The following ASIC2 variants were observed in gnomAD, a reference collection of about 807,000 sequenced individuals.
ASIC2 encodes the protein acid sensing ion channel subunit 2.
ASIC2 carries 25 observed loss-of-function variants against 57.3 expected under a neutral mutation model. That is an observed-to-expected ratio of 0.44 (90% CI 0.32 to 0.61). ASIC2 has a LOEUF of 0.61. Ranked by LOEUF, ASIC2 falls within the 20% of genes least tolerant of loss-of-function variation. The pLI, the probability that ASIC2 is intolerant of heterozygous loss-of-function variation, is 0.06. For missense variants in ASIC2, 641 were observed against 738.1 expected, an observed-to-expected ratio of 0.87 and a Z score of 1.52; for synonymous variants, 319 against 307.5, an observed-to-expected ratio of 1.04 and a Z score of -0.39.
intron 1 of ASIC2, among the ~76,000 whole-genome samples, chr17:33,812,086 T>G (rs1912438870): frequency 6.6e-6 from 1 of 152,154 alleles, no homozygotes; most frequent in Non-Finnish European, 1.5e-5. Context: ...TAAAGTTTAG[T>G]TTCTTATCCA....
At chr17:33,532,660 C>T (rs765249478) in intron 1 of ASIC2, among the ~76,000 whole-genome samples, 4 of 152,216 alleles carry the variant, frequency 2.6e-5, no homozygotes, top group African/African-American at 7.2e-5. Context: ...ATCTCTTCCA[C>T]GTCACTGACA....
intron 1 of ASIC2, among the ~76,000 whole-genome samples, chr17:33,377,927 T>G (rs1909339402): frequency 6.6e-6 from 1 of 152,078 alleles, no homozygotes; most frequent in Non-Finnish European, 1.5e-5. Flanking sequence ...TAGGACAGAG[T>G]GGGGCTCCAT....
chr17:33,133,476 T>C (rs1178270413), intron 1 of ASIC2, among the ~76,000 whole-genome samples: 3 of 152,194 alleles, frequency 2.0e-5, no homozygotes, highest in African/African-American at 4.8e-5. Flanking sequence ...TATGCAGTTA[T>C]GTATGTAATC....
chr17:33,194,212 A>G (rs1470991399), intron 1 of ASIC2, among the ~76,000 whole-genome samples: 1 of 152,142 alleles, frequency 6.6e-6, no homozygotes, highest in African/African-American at 2.4e-5. Flanking sequence ...TATTGCTTTC[A>G]CTTTTCTGCA....
Position 33,403,117 on chromosome 17 carries a change from C to T in ASIC2, c.556-291050G>A, listed in dbSNP as rs1373347161. 3.3e-5 allele frequency among the ~76,000 whole-genome samples: 5 copies of T among 152,186 alleles called. No individual in the cohort carries two copies. In the East Asian group the frequency reaches 9.6e-4, roughly 29 times the overall value. ...CATAAACATATGCTCAGCCTGGGTC[C>T]TGGCTGCACACCTCCATTGCTAGTG... On this transcript the variant is annotated intron_variant, in intron 1 of 9. Transcript: ENST00000359872.
intron 1 of ASIC2, among the ~76,000 whole-genome samples, chr17:34,026,230 A>G (rs1041117829): frequency 6.6e-6 from 1 of 152,166 alleles, no homozygotes; most frequent in African/African-American, 2.4e-5. Context: ...AATCTATGTC[A>G]AGGTGTGTAT....
intron 1 of ASIC2, among the ~76,000 whole-genome samples, chr17:33,856,248 A>ATT (rs1163352265): frequency 6.6e-6 from 1 of 152,218 alleles, no homozygotes; most frequent in Non-Finnish European, 1.5e-5. Flanking sequence ...AATAGGAAAA[A>ATT]GCATCAATAT....
intron 1 of ASIC2, among the ~76,000 whole-genome samples, chr17:34,082,492 C>T (rs1483641403): frequency 6.6e-6 from 1 of 152,212 alleles, no homozygotes; most frequent in African/African-American, 2.4e-5. Flanking sequence ...ATAAACTCCA[C>T]TTCCTAAAAT....
At chr17:33,257,301 T>A (rs969279551) in intron 1 of ASIC2, among the ~76,000 whole-genome samples, 1 of 152,190 alleles carries the variant, frequency 6.6e-6, no homozygotes, top group African/African-American at 2.4e-5. Context: ...CCTGCTCCGA[T>A]GTCTCATGGG....
intron 1 of ASIC2, among the ~76,000 whole-genome samples, chr17:33,266,583 C>A (rs1374503821): frequency 7.7e-6 from 1 of 129,518 alleles, no homozygotes; most frequent in Non-Finnish European, 1.6e-5. Context: ...GCAGACCCTG[C>A]TGTCCAGTAG....
intron 1 of ASIC2, among the ~76,000 whole-genome samples, chr17:33,625,697 G>A (rs534348929): frequency 1.3e-5 from 2 of 152,302 alleles, no homozygotes; most frequent in South Asian, 4.1e-4. Context: ...CACTTTCAGG[G>A]AATACACAAT....
At chr17:33,728,047 G>T (rs1015572881) in intron 1 of ASIC2, among the ~76,000 whole-genome samples, 1 of 152,170 alleles carries the variant, frequency 6.6e-6, no homozygotes, top group African/African-American at 2.4e-5. Flanking sequence ...CTGTGGTAGA[G>T]GCAGCACATG....
chr17:33,843,465 G>A (rs774489017), intron 1 of ASIC2, among the ~76,000 whole-genome samples: 17 of 151,840 alleles, frequency 1.1e-4, no homozygotes, highest in Non-Finnish European at 2.2e-4. Flanking sequence ...ACTGTTAACC[G>A]TTTATTTTAC....
chr17:33,299,744 A>G (rs191327426), intron 1 of ASIC2, among the ~76,000 whole-genome samples: 6 of 152,348 alleles, frequency 3.9e-5, no homozygotes, highest in African/African-American at 1.2e-4. Flanking sequence ...AACGTGGGCT[A>G]GAAGGACCAG....
At chr17:33,078,144 A>T (rs2092097357) in intron 3 of ASIC2, among the ~76,000 whole-genome samples, 1 of 152,158 alleles carries the variant, frequency 6.6e-6, no homozygotes, top group Non-Finnish European at 1.5e-5. Flanking sequence ...AGGTGAGTCC[A>T]TAGACATTAG....
chr17:33,663,696 G>C (rs182978210), intron 1 of ASIC2, among the ~76,000 whole-genome samples: 7 of 152,222 alleles, frequency 4.6e-5, no homozygotes, highest in African/African-American at 1.7e-4. Flanking sequence ...GTGGGGGTAT[G>C]GGGACACAGA....
chr17:33,021,821 T>C (rs1381710420), intron 6 of ASIC2, among the ~76,000 whole-genome samples: 1 of 152,140 alleles, frequency 6.6e-6, no homozygotes, highest in Non-Finnish European at 1.5e-5. Context: ...TCAAAGAAAG[T>C]TTGTAGGGAG....
At chr17:33,815,817 T>A (rs891297698) in intron 1 of ASIC2, among the ~76,000 whole-genome samples, 3 of 152,232 alleles carry the variant, frequency 2.0e-5, no homozygotes, top group Non-Finnish European at 4.4e-5. Flanking sequence ...TCCTCTCATT[T>A]TACAGATGGG....
chr17:33,745,235 G>GT (rs1910224021), intron 1 of ASIC2, among the ~76,000 whole-genome samples: 1 of 152,104 alleles, frequency 6.6e-6, no homozygotes, highest in Non-Finnish European at 1.5e-5. Flanking sequence ...TGATACTACA[G>GT]TTCAAGTCCA....
Sources: gnomAD v4.1 joint callset for allele counts (sites outside exome capture counted in the v4.1 genomes callset) on GRCh38, gnomAD v4.1.1 for gene constraint, MANE v1.5 for transcripts, NCBI Gene and HGNC (gene_info 2026-07-23, HGNC 2026-07-21) for gene names.